Variants in KCNIP4 observed in about 807,000 individuals in gnomAD.
The protein encoded by KCNIP4 is Kv channel-interacting protein 4.
Under a neutral mutation model 34.0 loss-of-function variants are expected in KCNIP4, and 12 were observed. That is an observed-to-expected ratio of 0.35 (90% CI 0.23 to 0.57). KCNIP4 has a LOEUF of 0.57. KCNIP4 is among the 20% of genes least tolerant of loss of function. The pLI, the probability that KCNIP4 is intolerant of heterozygous loss-of-function variation, is 0.83. For missense variants in KCNIP4, 238 were observed against 311.7 expected, an observed-to-expected ratio of 0.76 and a Z score of 1.78; for synonymous variants, 124 against 102.2, an observed-to-expected ratio of 1.21 and a Z score of -1.29.
At chr4:21,838,122 C>A (rs1330142800) in intron 1 of KCNIP4, among the ~76,000 whole-genome samples, 1 of 152,154 alleles carries the variant, frequency 6.6e-6, no homozygotes, top group Non-Finnish European at 1.5e-5. Flanking sequence ...AGGCCTGCAT[C>A]TTCTGTTACA....
At chr4:21,284,211 T>C (rs1172569684) in intron 1 of KCNIP4, among the ~76,000 whole-genome samples, 7 of 146,372 alleles carry the variant, frequency 4.8e-5, no homozygotes, top group Admixed American at 4.1e-4. Context: ...AGACTCCGTC[T>C]CAAAAAAAAA....
chr4:21,716,169 C>T (rs187613702), intron 1 of KCNIP4, among the ~76,000 whole-genome samples: 38 of 152,240 alleles, frequency 2.5e-4, no homozygotes, highest in African/African-American at 8.9e-4. Context: ...CAGTTGTCTA[C>T]GGAACCCCAA....
chr4:21,135,528 G>A (rs1301256330), intron 1 of KCNIP4, among the ~76,000 whole-genome samples: 2 of 152,010 alleles, frequency 1.3e-5, no homozygotes, highest in Non-Finnish European at 2.9e-5. Flanking sequence ...TGTATTTTTG[G>A]CAGGAAAATT....
rs186019070 is a variant in KCNIP4, at chr4:21,337,571, A to C, written c.62-454862T>G. 5.9e-3 allele frequency among the ~76,000 whole-genome samples: 903 copies of C among 152,340 alleles called. 6 individuals carry two copies. Among genetic ancestry groups the C allele is most frequent in the South Asian group, 0.013 (64 of 4,828 alleles). ...GTTATACTTGGTATTGAAAATTCTC[A>C]GAACCTGATAGAATTTTAGTATTCC... On this transcript the variant is annotated intron_variant, in intron 1 of 8. Transcript: ENST00000382152.
intron 1 of KCNIP4, among the ~76,000 whole-genome samples, chr4:21,194,019 T>C (rs909734466): frequency 1.3e-5 from 2 of 152,212 alleles, no homozygotes; most frequent in African/African-American, 4.8e-5. Context: ...TGAATGGCTA[T>C]GCCTAGAACA....
chr4:21,193,904 G>T (rs1449377469), intron 1 of KCNIP4, among the ~76,000 whole-genome samples: 1 of 152,154 alleles, frequency 6.6e-6, no homozygotes, highest in Non-Finnish European at 1.5e-5. Context: ...GAAGGGAATG[G>T]CAAAGTATTA....
intron 1 of KCNIP4, among the ~76,000 whole-genome samples, chr4:21,710,113 A>G (rs1713606014): frequency 6.6e-6 from 1 of 152,202 alleles, no homozygotes; most frequent in Non-Finnish European, 1.5e-5. Context: ...TGACTTACAT[A>G]AGGCAGAATA....
intron 1 of KCNIP4, among the ~76,000 whole-genome samples, chr4:21,856,025 CAG>C (rs1457530626): frequency 6.6e-6 from 1 of 152,236 alleles, no homozygotes; most frequent in Non-Finnish European, 1.5e-5. Context: ...CATTCCTATA[CAG>C]TCACAATTAG....
intron 1 of KCNIP4, among the ~76,000 whole-genome samples, chr4:21,527,227 A>T (rs1335837714): frequency 6.6e-6 from 1 of 152,196 alleles, no homozygotes; most frequent in African/African-American, 2.4e-5. Context: ...ATTATATTAA[A>T]CATAAATACA....
At chr4:20,977,873 G>T (rs1577473361) in intron 1 of KCNIP4, among the ~76,000 whole-genome samples, 1 of 152,106 alleles carries the variant, frequency 6.6e-6, no homozygotes, top group Non-Finnish European at 1.5e-5. Flanking sequence ...CTCTCTTTGA[G>T]TTTTCTAAAG....
intron 1 of KCNIP4, among the ~76,000 whole-genome samples, chr4:21,869,049 TATCTATTCCA>T (rs1725600686): frequency 6.6e-6 from 1 of 152,192 alleles, no homozygotes; most frequent in Non-Finnish European, 1.5e-5. Context: ...AAGTTGACCC[TATCTATTCCA>T]ATCTTATGGG....
At chr4:21,138,899 A>G (rs1457502570) in intron 1 of KCNIP4, among the ~76,000 whole-genome samples, 1 of 152,148 alleles carries the variant, frequency 6.6e-6, no homozygotes, top group Non-Finnish European at 1.5e-5. Context: ...TCTCCCCTAG[A>G]GTCTCCAGAA....
chr4:21,252,954 C>T (rs376924962), intron 1 of KCNIP4, among the ~76,000 whole-genome samples: 2 of 152,030 alleles, frequency 1.3e-5, no homozygotes, highest in African/African-American at 4.8e-5. Context: ...GAGAATAATA[C>T]TTGCTATCTA....
chr4:21,559,208 T>C (rs1261971687), intron 1 of KCNIP4, among the ~76,000 whole-genome samples: 1 of 152,048 alleles, frequency 6.6e-6, no homozygotes, highest in Non-Finnish European at 1.5e-5. Flanking sequence ...CACATAATCA[T>C]CAGCAAATAA....
chr4:20,792,260 G>T (rs1020063063), intron 3 of KCNIP4, among the ~76,000 whole-genome samples: 6 of 152,210 alleles, frequency 3.9e-5, no homozygotes, highest in Admixed American at 2.6e-4. Context: ...TGTAATCCCA[G>T]CTACTTGGGA....
At chr4:21,834,698 T>C (rs1370261481) in intron 1 of KCNIP4, among the ~76,000 whole-genome samples, 17 of 151,976 alleles carry the variant, frequency 1.1e-4, no homozygotes, top group Non-Finnish European at 1.9e-4. Flanking sequence ...CTTCCAGTTT[T>C]TGCCCATTCA....
chr4:21,647,565 T>A, intron 1 of KCNIP4, among the ~76,000 whole-genome samples: 1 of 152,152 alleles, frequency 6.6e-6, no homozygotes, highest in Non-Finnish European at 1.5e-5. Context: ...GAGAAACTCA[T>A]GAATAGAGAA....
At chr4:21,671,319 T>C (rs1749487395) in intron 1 of KCNIP4, among the ~76,000 whole-genome samples, 1 of 152,200 alleles carries the variant, frequency 6.6e-6, no homozygotes, top group Non-Finnish European at 1.5e-5. Context: ...TGGAGGGATC[T>C]TGAAGATTCA....
At chr4:21,005,757 A>T (rs900754304) in intron 1 of KCNIP4, among the ~76,000 whole-genome samples, 5 of 152,170 alleles carry the variant, frequency 3.3e-5, no homozygotes, top group African/African-American at 9.7e-5. Flanking sequence ...GTTTGAATGC[A>T]GAGTGACTTT....
Sources: allele counts gnomAD v4.1 joint callset (sites outside exome capture counted in the v4.1 genomes callset), GRCh38; gene constraint gnomAD v4.1.1; transcripts MANE v1.5; gene names NCBI Gene and HGNC (gene_info 2026-07-23, HGNC 2026-07-21).